The following RADX variants were observed in gnomAD, a reference collection of about 807,000 sequenced individuals.
RADX encodes RPA-related protein RADX.
In RADX, 36 loss-of-function variants were observed where a neutral mutation model predicts 61.6. The ratio of observed to expected loss-of-function variants is 0.58; its 90% confidence interval spans 0.45 to 0.77. RADX has a LOEUF of 0.77. RADX is among the 30% of genes least tolerant of loss of function. The pLI is 0.00. For synonymous variants in RADX, 272 were observed against 237.9 expected (o/e 1.14, Z -1.32); for missense variants, 497 against 651.1 (o/e 0.76, Z 2.58).
At chrX:106,631,900 G>GCCAAACCTCTCCAA (rs1927244270) in intron 3 of RADX, among the ~76,000 whole-genome samples, 1 of 111,310 alleles carries the variant, frequency 9.0e-6, no homozygotes, top group Non-Finnish European at 1.9e-5. Context: ...CCAAGGTTTG[G>GCCAAACCTCTCCAA]AGAGGATGTG....
At position 106,612,539 on chromosome X, in the gene RADX, C is replaced by G; in HGVS notation, c.459C>G (p.Val153=). ...IGQGILCIDN[V]HCGETSDSIS... is the part of the protein sequence containing the mutation. ...AGGGGATCCTGTGCATAGATAACGTCCACTGTGGGGAGACTTCAGACAGTA... is the reference window on the plus strand; with the variant it reads ...AGGGGATCCTGTGCATAGATAACGTGCACTGTGGGGAGACTTCAGACAGTA... Residue 153 remains valine, a synonymous_variant, in exon 1 of 14, where the codon GTC becomes GTG. Transcript: ENST00000372548. 1.7e-6 allele frequency: 2 copies of G among 1,211,298 alleles called. No homozygotes were observed. The highest frequency in any genetic ancestry group is 2.2e-6 in the Non-Finnish European group (2 of 895,152).
chrX:106,632,567 A>T lies in RADX; in HGVS notation c.980-58A>T. On this transcript the variant is annotated intron_variant, in intron 3 of 13. Transcript: ENST00000372548. Reference sequence around the variant, plus strand: ...CTATTTTGCTTTTTAATATATATTCATGTATATTCTTTGGTGTGTATTAAA... The same window carrying T: ...CTATTTTGCTTTTTAATATATATTCTTGTATATTCTTTGGTGTGTATTAAA... 6 of 771,783 alleles carry T rather than the reference A, an allele frequency of 7.8e-6. No individual in the cohort carries two copies. In the South Asian group the frequency reaches 1.6e-4, roughly 21 times the overall value. 63.6% of individuals were successfully genotyped at this position (771,783 alleles called of 1,213,427 possible). A position where few individuals can be genotyped will look rare whatever the true frequency, so the allele number is the denominator to read the frequency against.
At chrX:106,638,129 G>A in intron 8 of RADX, 1 of 346,480 alleles carries the variant, frequency 2.9e-6, no homozygotes, top group East Asian at 4.7e-5. Context: ...ATCTCGCATG[G>A]TGCTCTAAAG....
intron 3 of RADX, among the ~76,000 whole-genome samples, chrX:106,626,990 G>A (rs2147615714): frequency 8.9e-6 from 1 of 111,965 alleles, no homozygotes; most frequent in Admixed American, 9.5e-5. Flanking sequence ...TAGACTGAAG[G>A]CAGCCATATG....
Position 106,612,055 on chromosome X carries a change from T to A in RADX, c.-26T>A. 8.5e-7 allele frequency: 1 copy of A among 1,180,446 alleles called. No individual in the cohort carries two copies. The highest frequency in any genetic ancestry group is 1.8e-5 in the African/African-American group (1 of 56,909). The stretch of plus-strand genomic sequence containing the variant: ...GACGGGGCAAACTAGCTTTTGGGAG[T>A]GAAGCGGGTACGCAGTTATCCAACA... On this transcript the variant is annotated 5_prime_UTR_variant, in exon 1 of 14. Transcript: ENST00000372548.
At chrX:106,664,296 C>T (rs1388697250) in intron 12 of RADX, among the ~76,000 whole-genome samples, 1 of 107,270 alleles carries the variant, frequency 9.3e-6, no homozygotes, top group East Asian at 2.9e-4. Context: ...TGGATATCTT[C>T]TAGTCTTACC....
intron 11 of RADX, among the ~76,000 whole-genome samples, chrX:106,660,519 A>C (rs993023391): frequency 8.9e-6 from 1 of 112,254 alleles, no homozygotes; most frequent in African/African-American, 3.2e-5. Flanking sequence ...TTGCTATTGC[A>C]GCCACCTTCT....
intron 13 of RADX, among the ~76,000 whole-genome samples, chrX:106,675,504 A>T (rs1358159075): frequency 8.9e-6 from 1 of 112,204 alleles, no homozygotes; most frequent in Non-Finnish European, 1.9e-5. Context: ...GATGAAGGAG[A>T]TGCTGGCTTT....
At chrX:106,653,585 G>A (rs776589479) in intron 11 of RADX, among the ~76,000 whole-genome samples, 24 of 108,219 alleles carry the variant, frequency 2.2e-4, no homozygotes, top group Non-Finnish European at 3.3e-4. Context: ...TTTGCAGAAC[G>A]TGCAGGTTTG....
chrX:106,643,819 T>A (rs761487171), intron 10 of RADX, among the ~76,000 whole-genome samples: 1 of 111,875 alleles, frequency 8.9e-6, no homozygotes, highest in Non-Finnish European at 1.9e-5. Flanking sequence ...GTGAAGAATG[T>A]CATTGGTATT....
At chrX:106,639,809 G>C (rs1490050179) in intron 9 of RADX, 122 bp downstream of exon 9, 1 of 541,280 alleles carries the variant, frequency 1.8e-6, no homozygotes. Context: ...AAGCCTAAGA[G>C]AAAACATTAG....
chrX:106,655,587 C>T (rs754095196), intron 11 of RADX, among the ~76,000 whole-genome samples: 8 of 109,337 alleles, frequency 7.3e-5, no homozygotes, highest in African/African-American at 1.0e-4. Context: ...TGAGAACATG[C>T]GGTGTTTGGT....
At chrX:106,632,008 T>C (rs143360510) in intron 3 of RADX, among the ~76,000 whole-genome samples, 1,502 of 111,258 alleles carry the variant, frequency 0.014, 11 homozygotes, top group Non-Finnish European at 0.019. Flanking sequence ...CATTTACATA[T>C]CACATAATCC....
At chrX:106,647,524 G>A (rs768368434) in intron 10 of RADX, among the ~76,000 whole-genome samples, 35 of 110,778 alleles carry the variant, frequency 3.2e-4, no homozygotes, top group Non-Finnish European at 5.3e-4. Context: ...GGGGATGCTC[G>A]ATTATATGGT....
chrX:106,655,277 A>C (rs1927908040), intron 11 of RADX, among the ~76,000 whole-genome samples: 2 of 106,212 alleles, frequency 1.9e-5, no homozygotes, highest in Non-Finnish European at 3.9e-5. Flanking sequence ...CCTTATGCTG[A>C]TGGCTGTGGC....
At chrX:106,647,239 A>G (rs929520441) in intron 10 of RADX, among the ~76,000 whole-genome samples, 1 of 111,126 alleles carries the variant, frequency 9.0e-6, no homozygotes, top group African/African-American at 3.3e-5. Flanking sequence ...GAGAACATGC[A>G]ATGTTTATCT....
chrX:106,643,508 AT>A (rs1452716217), intron 10 of RADX, among the ~76,000 whole-genome samples: 3 of 111,282 alleles, frequency 2.7e-5, no homozygotes, highest in Non-Finnish European at 3.8e-5. Context: ...ATTTTTGTAT[AT>A]GGCAAGAGAT....
intron 1 of RADX, among the ~76,000 whole-genome samples, chrX:106,617,250 T>C (rs1237661437): frequency 1.8e-5 from 2 of 109,463 alleles, no homozygotes; most frequent in African/African-American, 6.7e-5. Flanking sequence ...GGTCTCAAAC[T>C]CCTGACCTCA....
rs1431581454 is a variant in RADX at position 106,673,182 on chromosome X, C to T, written c.2437+3852C>T. ...AAAGTCCCCTTTTCCCTCTGCTTTTCGCAAGTAAATGGAGTCTCACCCCAA... is the reference window on the plus strand; with the variant it reads ...AAAGTCCCCTTTTCCCTCTGCTTTTTGCAAGTAAATGGAGTCTCACCCCAA... On this transcript the variant is annotated intron_variant, in intron 13 of 13. Coordinates refer to ENST00000372548, the MANE Select transcript of RADX (RefSeq NM_018015.6). Among the ~76,000 whole-genome samples, 3 of 111,612 alleles carry T rather than the reference C, an allele frequency of 2.7e-5. No homozygotes were observed. In the South Asian group the frequency reaches 1.1e-3, roughly 42 times the overall value.
Sources: gnomAD v4.1 joint callset for allele counts (sites outside exome capture counted in the v4.1 genomes callset) on GRCh38, gnomAD v4.1.1 for gene constraint, MANE v1.5 for transcripts, NCBI Gene and HGNC (gene_info 2026-07-23, HGNC 2026-07-21) for gene names.